The following ZNF658 variants were observed in gnomAD, a reference collection of about 807,000 sequenced individuals.
ZNF658 encodes zinc finger protein 658.
In ZNF658, 46 loss-of-function variants were observed where a neutral mutation model predicts 78.0. That is an observed-to-expected ratio of 0.59 (90% CI 0.47 to 0.75). The LOEUF is 0.75. ZNF658 is among the 30% of genes least tolerant of loss of function. The probability of loss-of-function intolerance (pLI) is 0.00; values close to 1 mark genes in which losing one functional copy is unlikely to be tolerated. For missense variants in ZNF658, 785 were observed against 1,189.3 expected, an observed-to-expected ratio of 0.66 and a Z score of 5.00; for synonymous variants, 279 against 408.4, an observed-to-expected ratio of 0.68 and a Z score of 3.82.
intron 4 of ZNF658, among the ~76,000 whole-genome samples, 187 bp downstream of exon 4, chr9:66,908,921 T>C (rs1354859481): frequency 6.6e-6 from 1 of 152,182 alleles, no homozygotes; most frequent in Non-Finnish European, 1.5e-5. Context: ...GAAGAAATAT[T>C]GCACTTTCAT....
intron 4 of ZNF658, among the ~76,000 whole-genome samples, chr9:66,910,141 C>T (rs1435164290): frequency 2.6e-5 from 4 of 152,136 alleles, no homozygotes; most frequent in Non-Finnish European, 5.9e-5. Flanking sequence ...TACAGTTACA[C>T]TGGGGGTTAG....
At chr9:66,908,003 G>GGC (rs1256808351) in intron 2 of ZNF658, among the ~76,000 whole-genome samples, 1 of 151,040 alleles carries the variant, frequency 6.6e-6, no homozygotes, top group East Asian at 1.9e-4. Context: ...GAAGGAAGTT[G>GGC]TTTTACATTG....
intron 1 of ZNF658, among the ~76,000 whole-genome samples, chr9:66,902,194 G>A (rs1821967569): frequency 6.8e-6 from 1 of 146,864 alleles, no homozygotes; most frequent in Non-Finnish European, 1.5e-5. Context: ...TGTTTCTCAG[G>A]CCTAAGTCCC....
At position 66,918,657 on chromosome 9, in the gene ZNF658, A is replaced by C; in HGVS notation, c.1091A>C (p.Gln364Pro). The C allele has an allele frequency of 6.2e-7, 1 of 1,613,842 alleles. No homozygotes were observed. The highest frequency in any genetic ancestry group is 8.5e-7 in the Non-Finnish European group (1 of 1,179,822). ...EHNECTDALY[Q>P]KLDFTAHQRI... The stretch of plus-strand genomic sequence containing the variant: ...AATGAATGTACAGATGCCCTCTACC[A>C]GAAATTAGACTTTACAGCACATCAG... The change falls in exon 5 of 5, where the codon CAG (glutamine) becomes CCG (proline). Residue 364 changes from glutamine (Q) to proline (P), a missense_variant. Physicochemically the swap from Gln to Pro is moderately conservative, Grantham distance 76. This residue lies in a region of ZNF658 where 393 missense variants were observed against 400.2 expected (regional missense o/e 0.98). Transcript: ENST00000621410.
Position 66,908,723 on chromosome 9 carries a change from A to T in ZNF658, c.227A>T (p.Gln76Leu), listed in dbSNP as rs1438841078. ...PWSLEDEFLN[Q>L]RYPGYFKVDH... ...TCTTTAGAAGATGAATTCCTGAACC[A>T]GAGGTACCCAGGTGAGTGGGCATTA... is the stretch of plus-strand genomic sequence containing the variant. The change falls in exon 4 of 5, where the codon CAG becomes CTG. Residue 76 changes from glutamine to leucine, a missense_variant. Physicochemically the swap from Gln to Leu is moderately radical, Grantham distance 113. Coordinates refer to ENST00000621410, the MANE Select transcript of ZNF658 (RefSeq NM_033160.7). The T allele has an allele frequency of 7.4e-6, 12 of 1,610,966 alleles. 1 individual carries two copies. In the South Asian group the frequency reaches 1.3e-4, roughly 18 times the overall value.
chr9:66,900,892 C>A (rs542442113), intron 1 of ZNF658, 56 bp downstream of exon 1: 1 of 152,210 alleles, frequency 6.6e-6, no homozygotes, highest in South Asian at 2.1e-4. Flanking sequence ...GACGGGCGGG[C>A]TTGTGTGCGG....
Position 66,920,098 on chromosome 9 carries a change from T to A in ZNF658, c.2532T>A (p.His844Gln). 1.2e-6 allele frequency: 2 copies of A among 1,612,616 alleles called. No homozygotes were observed. The highest frequency in any genetic ancestry group is 4.5e-5 in the East Asian group (2 of 44,808). Residue 844 changes from histidine to glutamine, a missense_variant, in exon 5 of 5, where the codon CAT becomes CAA. Transcript: ENST00000621410. ...CCCAAAGAACACACCTCTGTGCACA[T>A]CAGAGAATTCATACTGGGGAAAAAC... ...TFSQRTHLCA[H>Q]QRIHTGEKPY... is the part of the protein sequence containing the mutation.
chr9:66,927,410 C>T (rs893516454), intron 6 of ZNF658, among the ~76,000 whole-genome samples: 6 of 151,992 alleles, frequency 3.9e-5, no homozygotes, highest in South Asian at 4.1e-4. Context: ...TGGGAATACA[C>T]GATGGTGCAT....
At chr9:66,917,360 G>T (rs1165000309) in intron 4 of ZNF658, among the ~76,000 whole-genome samples, 3 of 147,522 alleles carry the variant, frequency 2.0e-5, no homozygotes. Flanking sequence ...GAGTCTGTCT[G>T]TGTGCATGAA....
rs368520887 is a variant in ZNF658, at chr9:66,932,063, C to G, written c.*93C>G. The G allele has an allele frequency of 3.2e-4, 28 of 86,882 alleles. 2 individuals carry two copies. The highest frequency in any genetic ancestry group is 2.0e-3 in the East Asian group (6 of 3,036). 5.4% of individuals were successfully genotyped at this position (86,882 alleles called of 1,614,324 possible). A position where few individuals can be genotyped will look rare whatever the true frequency, so the allele number is the denominator to read the frequency against. On this transcript the variant is annotated 3_prime_UTR_variant and NMD_transcript_variant, in exon 7 of 7. Coordinates refer to the ZNF658 transcript ENST00000622180. ...GGGAGTCATGAAGAATTTGGAAGAG[C>G]AAGTGCCCCAGTCCTATGTATTTAT...
chr9:66,903,718 A>G, intron 2 of ZNF658, 142 bp downstream of exon 2: 1 of 762,378 alleles, frequency 1.3e-6, no homozygotes, highest in South Asian at 1.4e-5. Flanking sequence ...TGAATAGCAG[A>G]GCAAAGTGGC....
At chr9:66,910,104 T>G (rs977635504) in intron 4 of ZNF658, among the ~76,000 whole-genome samples, 2 of 152,150 alleles carry the variant, frequency 1.3e-5, no homozygotes, top group East Asian at 1.9e-4. Context: ...TTACCCTTTT[T>G]GCCTCCTTGA....
intron 6 of ZNF658, among the ~76,000 whole-genome samples, chr9:66,929,531 G>A (rs1660652935): frequency 1.3e-5 from 2 of 151,540 alleles, no homozygotes; most frequent in African/African-American, 2.4e-5. Context: ...AACTGTGTCT[G>A]GAATGTTTCT....
intron 2 of ZNF658, among the ~76,000 whole-genome samples, chr9:66,903,966 T>C (rs1822015137): frequency 6.6e-6 from 1 of 152,170 alleles, no homozygotes; most frequent in Admixed American, 6.5e-5. Flanking sequence ...TAACAGAATA[T>C]TACTTCCTCA....
Position 66,902,576 on chromosome 9 carries a change from C to T in ZNF658, c.-44-942C>T, listed in dbSNP as rs1400998553. ...ATCCAGGGAAGATGTAATCAGCTGT[C>T]CAGATCCCAAACGGCAGCCTAGTTT... On this transcript the variant is annotated intron_variant, in intron 1 of 4. Transcript: ENST00000621410. Among the ~76,000 whole-genome samples, 3 of 145,400 alleles carry T rather than the reference C, an allele frequency of 2.1e-5. No homozygotes were observed. In the Admixed American group the frequency reaches 2.1e-4, roughly 10 times the overall value.
chr9:66,918,383 A>G lies in ZNF658; in HGVS notation c.817A>G (p.Asn273Asp). 6.2e-7 allele frequency: 1 copy of G among 1,613,862 alleles called. No homozygotes were observed. Among genetic ancestry groups the G allele is most frequent in the Middle Eastern group, 1.7e-4 (1 of 6,054 alleles). ...CACAAGGGGGAAATGCTCTGATCTT[A>G]ATGAATATGGGACATCCTGTGACAA... ...TDTRGKCSDL[N>D]EYGTSCDKTT... The change falls in exon 5 of 5, where the codon AAT (asparagine) becomes GAT (aspartate). Residue 273 changes from asparagine (N) to aspartate (D), a missense_variant. Transcript: ENST00000621410.
chr9:66,910,386 A>G (rs1185869102), intron 4 of ZNF658, among the ~76,000 whole-genome samples: 1 of 152,012 alleles, frequency 6.6e-6, no homozygotes, highest in Non-Finnish European at 1.5e-5. Flanking sequence ...AACAAATAGC[A>G]TCACATAAAG....
chr9:66,914,020 A>C (rs1196863155), intron 4 of ZNF658, among the ~76,000 whole-genome samples: 1 of 143,656 alleles, frequency 7.0e-6, no homozygotes. Context: ...TCCAGTTTTC[A>C]TCTTGTGTAT....
intron 1 of ZNF658, among the ~76,000 whole-genome samples, chr9:66,901,948 G>GA (rs1312515917): frequency 2.0e-5 from 3 of 151,820 alleles, no homozygotes; most frequent in Non-Finnish European, 2.9e-5. Flanking sequence ...TCTCAAAAAA[G>GA]AAAAAAAAGT....
Sources: gnomAD v4.1 joint callset for allele counts (sites outside exome capture counted in the v4.1 genomes callset) on GRCh38, gnomAD v4.1.1 for gene constraint, gnomAD v4.1.1 regional missense constraint, MANE v1.5 for transcripts, NCBI Gene and HGNC (gene_info 2026-07-23, HGNC 2026-07-21) for gene names.